The following ARHGAP15 variants were observed in gnomAD, a reference collection of about 807,000 sequenced individuals.
The protein encoded by ARHGAP15 is rho GTPase-activating protein 15.
A neutral mutation model predicts 63.7 loss-of-function variants in ARHGAP15; 51 were observed. That is an observed-to-expected ratio of 0.80 (90% CI 0.64 to 1.01). The LOEUF is 1.01. ARHGAP15 is among the 50% of genes least tolerant of loss of function. The pLI, the probability that ARHGAP15 is intolerant of heterozygous loss-of-function variation, is 0.00. For missense variants in ARHGAP15, 560 were observed against 564.6 expected (o/e 0.99, Z 0.08); for synonymous variants, 191 against 193.8 (o/e 0.99, Z 0.12).
intron 6 of ARHGAP15, among the ~76,000 whole-genome samples, chr2:143,380,986 A>G (rs542954633): frequency 2.6e-5 from 4 of 152,298 alleles, no homozygotes; most frequent in African/African-American, 7.2e-5. Context: ...GCGAAGCTGT[A>G]TCTTGGTGTG....
chr2:143,405,107 C>T (rs1688141796), intron 6 of ARHGAP15, among the ~76,000 whole-genome samples: 1 of 151,830 alleles, frequency 6.6e-6, no homozygotes, highest in South Asian at 2.1e-4. Flanking sequence ...AGAGTTAACC[C>T]TTGCTAAATA....
intron 9 of ARHGAP15, among the ~76,000 whole-genome samples, chr2:143,517,469 G>C (rs894184344): frequency 3.9e-5 from 6 of 152,080 alleles, no homozygotes; most frequent in Admixed American, 3.3e-4. Flanking sequence ...TTTAAAAAAT[G>C]TATTGACTAC....
chr2:143,373,497 G>C (rs1686656488), intron 6 of ARHGAP15, among the ~76,000 whole-genome samples: 1 of 151,910 alleles, frequency 6.6e-6, no homozygotes, highest in Non-Finnish European at 1.5e-5. Flanking sequence ...GGGAGTGGTG[G>C]AGGGTGCCTG....
At chr2:143,760,667 T>A (rs1462138185) in intron 13 of ARHGAP15, among the ~76,000 whole-genome samples, 1 of 152,176 alleles carries the variant, frequency 6.6e-6, no homozygotes, top group Non-Finnish European at 1.5e-5. Flanking sequence ...GCAAATAATC[T>A]GGCCATGTTA....
intron 1 of ARHGAP15, among the ~76,000 whole-genome samples, chr2:143,153,843 T>TTCC (rs796483071): frequency 2.5e-4 from 22 of 86,892 alleles, no homozygotes; most frequent in African/African-American, 9.5e-4. Context: ...CTTCTTCTTC[T>TTCC]TCCTCCTCCT....
At chr2:143,136,676 A>G (rs889441338) in intron 1 of ARHGAP15, among the ~76,000 whole-genome samples, 1 of 152,108 alleles carries the variant, frequency 6.6e-6, no homozygotes, top group South Asian at 2.1e-4. Flanking sequence ...TACTGAAGAA[A>G]AAGATATGGA....
chr2:143,169,319 C>A (rs529348032), intron 2 of ARHGAP15, among the ~76,000 whole-genome samples: 3 of 151,978 alleles, frequency 2.0e-5, no homozygotes, highest in Non-Finnish European at 4.4e-5. Context: ...TCAAAACAGT[C>A]CAGCCAGGCC....
intron 2 of ARHGAP15, among the ~76,000 whole-genome samples, chr2:143,156,049 CAA>C (rs58706419): frequency 2.1e-5 from 3 of 145,054 alleles, no homozygotes; most frequent in Admixed American, 1.4e-4. Context: ...AAAAAAATCT[CAA>C]AAAAAAAAAT....
chr2:143,762,476 G>GA (rs753992107), intron 13 of ARHGAP15, among the ~76,000 whole-genome samples: 82 of 152,160 alleles, frequency 5.4e-4, no homozygotes, highest in Non-Finnish European at 8.5e-4. Context: ...GAACTAGCCG[G>GA]AATGACCAGA....
At chr2:143,622,019 T>TG in intron 11 of ARHGAP15, among the ~76,000 whole-genome samples, 1 of 152,106 alleles carries the variant, frequency 6.6e-6, no homozygotes, top group South Asian at 2.1e-4. Context: ...TGTGTGTGTG[T>TG]TTGTGTGTGT....
chr2:143,453,597 A>G (rs1470778268), intron 8 of ARHGAP15, among the ~76,000 whole-genome samples: 2 of 152,022 alleles, frequency 1.3e-5, no homozygotes, highest in East Asian at 3.8e-4. Flanking sequence ...TGAAATTCCT[A>G]GAGATTAATG....
intron 8 of ARHGAP15, among the ~76,000 whole-genome samples, chr2:143,469,958 T>TC (rs1340833377): frequency 6.7e-6 from 1 of 148,954 alleles, no homozygotes; most frequent in Non-Finnish European, 1.5e-5. Context: ...ACTCTCTCTC[T>TC]TTTTTTTTCT....
chr2:143,441,741 G>A (rs1411864645), intron 8 of ARHGAP15, among the ~76,000 whole-genome samples: 1 of 152,106 alleles, frequency 6.6e-6, no homozygotes, highest in Non-Finnish European at 1.5e-5. Context: ...ACCCTGAAAT[G>A]AACATGAGTT....
At chr2:143,542,001 T>C (rs548492144) in intron 10 of ARHGAP15, among the ~76,000 whole-genome samples, 1 of 152,332 alleles carries the variant, frequency 6.6e-6, no homozygotes, top group South Asian at 2.1e-4. Flanking sequence ...CAGGCAGGCC[T>C]CCTTGAGCTG....
At chr2:143,448,845 A>G (rs892262899) in intron 8 of ARHGAP15, among the ~76,000 whole-genome samples, 4 of 152,036 alleles carry the variant, frequency 2.6e-5, no homozygotes, top group African/African-American at 4.8e-5. Context: ...TCCCATGCAC[A>G]TTAAAATTTG....
chr2:143,167,202 T>G (rs1690577778), intron 2 of ARHGAP15, among the ~76,000 whole-genome samples: 1 of 152,154 alleles, frequency 6.6e-6, no homozygotes, highest in South Asian at 2.1e-4. Flanking sequence ...CCATAATTTA[T>G]GGGGTTGATT....
chr2:143,283,652 A>G (rs938987903), intron 6 of ARHGAP15, among the ~76,000 whole-genome samples: 2 of 152,128 alleles, frequency 1.3e-5, no homozygotes, highest in African/African-American at 4.8e-5. Context: ...AATAATATTA[A>G]GGCTTTACTT....
chr2:143,685,794 C>A (rs1190123045), intron 12 of ARHGAP15, among the ~76,000 whole-genome samples: 5 of 152,158 alleles, frequency 3.3e-5, no homozygotes, highest in African/African-American at 9.7e-5. Flanking sequence ...TTAATGTCTG[C>A]TTAACTCAAT....
At chr2:143,340,139 G>A (rs563860685) in intron 6 of ARHGAP15, among the ~76,000 whole-genome samples, 2 of 152,220 alleles carry the variant, frequency 1.3e-5, no homozygotes, top group African/African-American at 4.8e-5. Context: ...TTAAGAGAGG[G>A]ACATTTTGTC....
Sources: gnomAD v4.1 joint callset for allele counts (sites outside exome capture counted in the v4.1 genomes callset) on GRCh38, gnomAD v4.1.1 for gene constraint, MANE v1.5 for transcripts, NCBI Gene and HGNC (gene_info 2026-07-23, HGNC 2026-07-21) for gene names.